The following GRIP1 variants were observed in gnomAD, a reference collection of about 807,000 sequenced individuals.
The protein encoded by GRIP1 is glutamate receptor interacting protein 1.
In GRIP1, 45 loss-of-function variants were observed where a neutral mutation model predicts 129.9. The observed-to-expected ratio is 0.35, with a 90% CI of 0.27 to 0.44. The LOEUF is 0.44. Ranked by LOEUF, GRIP1 falls within the 20% of genes least tolerant of loss-of-function variation. The pLI, the probability that GRIP1 is intolerant of heterozygous loss-of-function variation, is 1.00. For missense variants in GRIP1, 1,196 were observed against 1,396.8 expected (o/e 0.86, Z 2.29); for synonymous variants, 530 against 520.8 (o/e 1.02, Z -0.24).
chr12:67,001,893 CCTGA>C (rs1224448495), intron 1 of GRIP1, among the ~76,000 whole-genome samples: 1 of 152,110 alleles, frequency 6.6e-6, no homozygotes, highest in East Asian at 1.9e-4. Flanking sequence ...GCATATCACA[CCTGA>C]CAGGTCCCAA....
In GRIP1 at chr12:67,042,134, C is replaced by A. The variant is rs573723068; in HGVS notation, c.58+26916G>T. ...TCCCTCTCCCATCTAGTGCAGGTCA[C>A]CACGTGATGCCTTCTCCCGTGGGAT... On this transcript the variant is annotated intron_variant, in intron 1 of 1. Transcript: ENST00000643019. Among the ~76,000 whole-genome samples, 7 of 152,296 alleles carry A rather than the reference C, an allele frequency of 4.6e-5. No homozygotes were observed. In the South Asian group the frequency reaches 1.5e-3, roughly 32 times the overall value.
chr12:66,463,464 T>C (rs1042966884), intron 8 of GRIP1, among the ~76,000 whole-genome samples: 6 of 152,182 alleles, frequency 3.9e-5, no homozygotes, highest in Non-Finnish European at 7.3e-5. Context: ...CTTTTCTATC[T>C]ATAAACATGA....
chr12:66,462,014 C>T (rs941203480), intron 9 of GRIP1, among the ~76,000 whole-genome samples: 1 of 152,130 alleles, frequency 6.6e-6, no homozygotes, highest in Non-Finnish European at 1.5e-5. Flanking sequence ...ATTTGGGGCT[C>T]AAAGACCCCT....
At chr12:66,412,418 G>A (rs10784527) in intron 15 of GRIP1, among the ~76,000 whole-genome samples, 148,817 of 152,278 alleles carry the variant, frequency 0.98, 72,816 homozygotes, top group East Asian at 1. Context: ...GATCCTTTTC[G>A]GACATATAAA....
At chr12:66,604,819 T>G (rs2064437819) in intron 1 of GRIP1, among the ~76,000 whole-genome samples, 1 of 152,154 alleles carries the variant, frequency 6.6e-6, no homozygotes, top group South Asian at 2.1e-4. Flanking sequence ...CTATTTAAAA[T>G]CACATTTTAA....
chr12:66,833,683 A>G (rs901254361), intron 1 of GRIP1, among the ~76,000 whole-genome samples: 1 of 152,188 alleles, frequency 6.6e-6, no homozygotes, highest in African/African-American at 2.4e-5. Flanking sequence ...GTCATCATTA[A>G]TATTGGAATT....
intron 1 of GRIP1, among the ~76,000 whole-genome samples, chr12:66,892,225 G>A (rs1592933681): frequency 1.3e-5 from 2 of 152,062 alleles, no homozygotes; most frequent in East Asian, 3.9e-4. Context: ...CAGCCTGGAA[G>A]GGACAGGTAG....
chr12:66,928,612 TAC>T (rs1489947248), intron 1 of GRIP1, among the ~76,000 whole-genome samples: 2 of 152,164 alleles, frequency 1.3e-5, no homozygotes, highest in African/African-American at 4.8e-5. Flanking sequence ...GGCTAAAAAA[TAC>T]CTTACAGATT....
intron 1 of GRIP1, among the ~76,000 whole-genome samples, chr12:66,632,153 T>G (rs1266576664): frequency 1.3e-5 from 2 of 152,120 alleles, no homozygotes; most frequent in Non-Finnish European, 2.9e-5. Flanking sequence ...AAGTAAGAAA[T>G]GCATCACCAA....
intron 7 of GRIP1, among the ~76,000 whole-genome samples, chr12:66,482,709 G>A (rs2059840128): frequency 6.6e-6 from 1 of 152,164 alleles, no homozygotes; most frequent in African/African-American, 2.4e-5. Flanking sequence ...GGAAAATAAA[G>A]GCAGGGAGAC....
chr12:66,523,058 G>C (rs1472577354), intron 5 of GRIP1, among the ~76,000 whole-genome samples: 9 of 152,158 alleles, frequency 5.9e-5, no homozygotes, highest in Non-Finnish European at 1.0e-4. Context: ...TCTGACTGGT[G>C]TACCTGAAAG....
At chr12:66,459,887 G>A (rs181731338) in intron 9 of GRIP1, among the ~76,000 whole-genome samples, 40 of 152,182 alleles carry the variant, frequency 2.6e-4, no homozygotes, top group African/African-American at 9.2e-4. Context: ...TACATTTTTG[G>A]CATGTCCTGT....
intron 5 of GRIP1, among the ~76,000 whole-genome samples, chr12:66,524,692 C>A (rs530330344): frequency 1.7e-4 from 26 of 151,996 alleles, no homozygotes; most frequent in African/African-American, 5.8e-4. Context: ...GCAGAACTGA[C>A]GGAAATAGAG....
chr12:66,783,575 T>C (rs2038224888), intron 1 of GRIP1, among the ~76,000 whole-genome samples: 2 of 152,190 alleles, frequency 1.3e-5, no homozygotes, highest in Admixed American at 6.5e-5. Context: ...GCTTTAATGA[T>C]ACATCTTTAT....
intron 1 of GRIP1, among the ~76,000 whole-genome samples, chr12:67,003,731 A>AAT (rs1343415927): frequency 6.6e-6 from 1 of 151,920 alleles, no homozygotes; most frequent in Non-Finnish European, 1.5e-5. Flanking sequence ...TAAATAAAAA[A>AAT]ATAAATAAAA....
At chr12:66,383,416 A>C (rs1367051382) in intron 19 of GRIP1, among the ~76,000 whole-genome samples, 1 of 152,208 alleles carries the variant, frequency 6.6e-6, no homozygotes, top group East Asian at 1.9e-4. Context: ...CGATTCTATC[A>C]GTGGGTCTCT....
intron 1 of GRIP1, among the ~76,000 whole-genome samples, chr12:66,886,960 G>A (rs1732647): frequency 6.6e-6 from 1 of 151,992 alleles, no homozygotes; most frequent in Non-Finnish European, 1.5e-5. Flanking sequence ...AGAGCTATAC[G>A]AGAGGTCTAT....
intron 1 of GRIP1, among the ~76,000 whole-genome samples, chr12:66,968,127 CTGT>C (rs750949784): frequency 5.9e-5 from 9 of 152,112 alleles, no homozygotes; most frequent in Admixed American, 2.6e-4. Context: ...TTCTGATTCT[CTGT>C]TGTTTGGTGC....
intron 5 of GRIP1, among the ~76,000 whole-genome samples, chr12:66,518,211 A>G (rs1421472023): frequency 2.0e-5 from 3 of 152,154 alleles, no homozygotes; most frequent in Non-Finnish European, 4.4e-5. Context: ...CAGGTAATAT[A>G]TAAAGTATTT....
Sources: gnomAD v4.1 joint callset for allele counts (sites outside exome capture counted in the v4.1 genomes callset) on GRCh38, gnomAD v4.1.1 for gene constraint, MANE v1.5 for transcripts, NCBI Gene and HGNC (gene_info 2026-07-23, HGNC 2026-07-21) for gene names.